Variants in EFHD1 observed in about 807,000 individuals in gnomAD.
EFHD1 encodes EF-hand domain-containing protein D1.
EFHD1 carries 10 observed loss-of-function variants against 17.2 expected under a neutral mutation model. The observed-to-expected ratio is 0.58, with a 90% CI of 0.36 to 0.99. The LOEUF (loss-of-function observed/expected upper bound fraction) is 0.99. Among genes scored for constraint, EFHD1 ranks in the 50% least tolerant of loss-of-function variants. The probability of loss-of-function intolerance (pLI) is 0.01; values close to 1 mark genes in which losing one functional copy is unlikely to be tolerated. For synonymous variants in EFHD1, 153 were observed against 142.0 expected, an observed-to-expected ratio of 1.08 and a Z score of -0.55; for missense variants, 310 against 327.5, an observed-to-expected ratio of 0.95 and a Z score of 0.41.
intron 1 of EFHD1, among the ~76,000 whole-genome samples, chr2:232,645,650 A>G (rs1694514124): frequency 1.3e-5 from 2 of 152,118 alleles, no homozygotes; most frequent in South Asian, 4.1e-4. Context: ...GGCTGACTTC[A>G]TGGATCATTG....
At chr2:232,611,209 G>A (rs961245029) in intron 1 of EFHD1, among the ~76,000 whole-genome samples, 4 of 152,024 alleles carry the variant, frequency 2.6e-5, no homozygotes, top group African/African-American at 7.2e-5. Context: ...GGCCTTGAGA[G>A]TTCCTCCCAC....
intron 1 of EFHD1, among the ~76,000 whole-genome samples, chr2:232,657,766 C>T (rs1381617759): frequency 5.4e-5 from 8 of 148,176 alleles, no homozygotes; most frequent in Non-Finnish European, 1.2e-4. Context: ...GAGCTGAGAT[C>T]GCACCACTGC....
intron 3 of EFHD1, among the ~76,000 whole-genome samples, chr2:232,673,553 C>T (rs1009238868): frequency 5.3e-5 from 8 of 152,144 alleles, no homozygotes; most frequent in Non-Finnish European, 1.2e-4. Context: ...TACCCAAATG[C>T]CTCTGCCTAG....
At chr2:232,616,385 G>A (rs1693929617) in intron 1 of EFHD1, among the ~76,000 whole-genome samples, 1 of 151,886 alleles carries the variant, frequency 6.6e-6, no homozygotes, top group South Asian at 2.1e-4. Flanking sequence ...GGCAACCTCC[G>A]CCTCCCGGGT....
At chr2:232,674,107 C>T (rs1574735517) in intron 3 of EFHD1, among the ~76,000 whole-genome samples, 1 of 152,220 alleles carries the variant, frequency 6.6e-6, no homozygotes, top group East Asian at 1.9e-4. Flanking sequence ...CAGGGTTTCA[C>T]GATATTGGCC....
rs536614192 is a variant in EFHD1, at chr2:232,607,322, A to G, written c.14+1149A>G. ...CCGGTCGGGCTGGGCGCGGTGGCTCAGGCCTGTAATCTCAGCACTTTGGGG... is the reference window on the plus strand; with the variant it reads ...CCGGTCGGGCTGGGCGCGGTGGCTCGGGCCTGTAATCTCAGCACTTTGGGG... On this transcript the variant is annotated intron_variant, in intron 1 of 3. Transcript: ENST00000409613. Among the ~76,000 whole-genome samples the G allele has an allele frequency of 1.6e-3, 244 of 151,948 alleles. 2 individuals carry two copies. The highest frequency in any genetic ancestry group is 5.1e-3 in the African/African-American group (212 of 41,420).
At chr2:232,615,432 C>T (rs746277927) in intron 1 of EFHD1, among the ~76,000 whole-genome samples, 15 of 151,444 alleles carry the variant, frequency 9.9e-5, no homozygotes, top group Non-Finnish European at 1.9e-4. Flanking sequence ...CCTCTTATTT[C>T]GCCTTTACTT....
At chr2:232,657,778 C>G (rs961377818) in intron 1 of EFHD1, among the ~76,000 whole-genome samples, 1 of 147,162 alleles carries the variant, frequency 6.8e-6, no homozygotes, top group East Asian at 2.0e-4. Context: ...CACCACTGCA[C>G]TCCAGCCTGG....
At chr2:232,648,196 C>G (rs1038784259) in intron 1 of EFHD1, among the ~76,000 whole-genome samples, 5 of 152,158 alleles carry the variant, frequency 3.3e-5, no homozygotes, top group African/African-American at 1.2e-4. Context: ...GAGCTAGTAT[C>G]ACACTCACTG....
intron 1 of EFHD1, chr2:232,606,545 G>T: frequency 2.9e-6 from 1 of 341,584 alleles, no homozygotes; most frequent in South Asian, 2.8e-5. Flanking sequence ...CGGCGCTGGG[G>T]CTGGGGGACC....
chr2:232,609,054 C>CTTTTT (rs1244427931), intron 1 of EFHD1, among the ~76,000 whole-genome samples: 4 of 82,262 alleles, frequency 4.9e-5, no homozygotes, highest in Non-Finnish European at 2.1e-5. Flanking sequence ...TGCATAAGTT[C>CTTTTT]TTTTTTTTTT....
intron 1 of EFHD1, among the ~76,000 whole-genome samples, chr2:232,620,345 G>A (rs552837295): frequency 1.3e-5 from 2 of 148,246 alleles, no homozygotes; most frequent in East Asian, 2.0e-4. Flanking sequence ...CAGAGATAGC[G>A]CCACTGCAGT....
chr2:232,648,159 T>C (rs890199551), intron 1 of EFHD1, among the ~76,000 whole-genome samples: 7 of 152,296 alleles, frequency 4.6e-5, no homozygotes, highest in African/African-American at 1.4e-4. Context: ...TGAGGATTGC[T>C]TGAACCTGGG....
At position 232,668,581 on chromosome 2, in the gene EFHD1, G is replaced by C. The variant is rs191738002; in HGVS notation, c.451-3728G>C. Among the ~76,000 whole-genome samples, 97 of 152,264 alleles carry C rather than the reference G, an allele frequency of 6.4e-4. 2 individuals carry two copies. The South Asian group carries it at 0.016, about 25-fold the overall frequency. ...CCTGAGGTCACCTGGGTGGGCACTG[G>C]CTGGGGGTGGTGCTCTGTCTTCTCT... On this transcript the variant is annotated intron_variant, in intron 2 of 3. Transcript: ENST00000264059.
rs1553594537 is a variant in EFHD1, at chr2:232,615,330, T to TGTGTGTGA, written c.14+9164_14+9165insAGTGTGTG. On this transcript the variant is annotated intron_variant, in intron 1 of 3. Transcript: ENST00000409613. ...CAACTATAGTGTGTGTGTGTGTGTG[T>TGTGTGTGA]GTGTGTGTGTGTGTGTGTGTGTATT... Among the ~76,000 whole-genome samples the TGTGTGTGA allele has an allele frequency of 1.6e-3, 229 of 141,184 alleles. 2 individuals are homozygous for TGTGTGTGA. Among genetic ancestry groups the TGTGTGTGA allele is most frequent in the African/African-American group, 4.8e-3 (197 of 40,768 alleles). The allele number at this position is 141,184 out of a possible 152,430, so 92.6% of individuals were successfully genotyped here.
At chr2:232,677,855 A>G (rs1389671895) in intron 3 of EFHD1, among the ~76,000 whole-genome samples, 1 of 152,260 alleles carries the variant, frequency 6.6e-6, no homozygotes, top group Admixed American at 6.5e-5. Flanking sequence ...ATTGAAAAAG[A>G]TAATATCATA....
intron 1 of EFHD1, among the ~76,000 whole-genome samples, chr2:232,640,694 C>G (rs575713368): frequency 2.2e-4 from 33 of 152,180 alleles, no homozygotes; most frequent in African/African-American, 7.7e-4. Flanking sequence ...AAGCCACCCA[C>G]CACCCACATA....
Position 232,641,960 on chromosome 2 carries a change from G to A in EFHD1, c.302+7954G>A, listed in dbSNP as rs115003242. On this transcript the variant is annotated intron_variant, in intron 1 of 3. Coordinates refer to ENST00000264059, the MANE Select transcript of EFHD1 (RefSeq NM_025202.4). ...TGCATCTGCTTCTTCTGCGGGCTGA[G>A]GAAGCCTCGCAGCTGGCGCTCACAG... 7.0e-3 allele frequency among the ~76,000 whole-genome samples: 1,064 copies of A among 152,312 alleles called. 14 individuals carry two copies. The highest frequency in any genetic ancestry group is 0.024 in the African/African-American group (978 of 41,574).
At position 232,672,425 on chromosome 2, in the gene EFHD1, G is replaced by A. The variant is rs1350290229; in HGVS notation, c.567G>A (p.Lys189=). 6.2e-7 allele frequency: 1 copy of A among 1,604,018 alleles called. No individual in the cohort carries two copies. Among genetic ancestry groups the A allele is most frequent in the East Asian group, 2.2e-5 (1 of 44,832 alleles). Reference sequence around the variant, plus strand: ...CCCTGGAGGGTGTCAAAGGTGCCAAGAACTTCTTTGAAGCCAAGGTAGGTG... The same window carrying A: ...CCCTGGAGGGTGTCAAAGGTGCCAAAAACTTCTTTGAAGCCAAGGTAGGTG... The part of the protein sequence containing the change: ...DVALEGVKGA[K]NFFEAKVQAL... The change falls in exon 3 of 4, where the codon AAG becomes AAA. Residue 189 remains lysine (K), a synonymous_variant. Coordinates refer to ENST00000264059, the MANE Select transcript of EFHD1 (RefSeq NM_025202.4).
Sources: allele counts gnomAD v4.1 joint callset (sites outside exome capture counted in the v4.1 genomes callset), GRCh38; gene constraint gnomAD v4.1.1; transcripts MANE v1.5; gene names NCBI Gene and HGNC (gene_info 2026-07-23, HGNC 2026-07-21).